Variants in ERGIC2 observed in about 807,000 individuals in gnomAD.
ERGIC2 encodes the protein ERGIC and golgi 2, also known as endoplasmic reticulum-Golgi intermediate compartment protein 2.
Under a neutral mutation model 52.5 loss-of-function variants are expected in ERGIC2, and 31 were observed. The observed-to-expected ratio is 0.59, with a 90% CI of 0.44 to 0.80. ERGIC2 has a LOEUF of 0.80. Ranked by LOEUF, ERGIC2 falls within the 30% of genes least tolerant of loss-of-function variation. The pLI, the probability that ERGIC2 is intolerant of heterozygous loss-of-function variation, is 0.00. For synonymous variants in ERGIC2, 129 were observed against 140.6 expected (o/e 0.92, Z 0.58); for missense variants, 395 against 455.2 (o/e 0.87, Z 1.20).
chr12:29,356,605 A>C, intron 7 of ERGIC2, 128 bp from the exon 8 acceptor site: 1 of 514,668 alleles, frequency 1.9e-6, no homozygotes. Flanking sequence ...TGTTAAAAAT[A>C]GAATAGTTTC....
At chr12:29,344,509 T>C (rs1285835330) in intron 11 of ERGIC2, among the ~76,000 whole-genome samples, 1 of 152,200 alleles carries the variant, frequency 6.6e-6, no homozygotes, top group Non-Finnish European at 1.5e-5. Context: ...TATGTTCTGG[T>C]ATAAACTTTA....
At chr12:29,361,208 C>T (rs571941165) in intron 6 of ERGIC2, among the ~76,000 whole-genome samples, 71 of 151,978 alleles carry the variant, frequency 4.7e-4, no homozygotes, top group Non-Finnish European at 6.9e-4. Flanking sequence ...GCCAAGATTG[C>T]GCCACTGTAC....
chr12:29,352,620 C>T (rs569972248), intron 8 of ERGIC2, among the ~76,000 whole-genome samples: 10 of 152,214 alleles, frequency 6.6e-5, no homozygotes, highest in South Asian at 2.1e-4. Flanking sequence ...GCCCAGATCA[C>T]GTCACTGTAC....
At chr12:29,349,858 A>G (rs983854202) in intron 9 of ERGIC2, among the ~76,000 whole-genome samples, 155 bp downstream of exon 9, 3 of 152,072 alleles carry the variant, frequency 2.0e-5, no homozygotes, top group Non-Finnish European at 2.9e-5. Flanking sequence ...CCAAATACAA[A>G]TGCAGATTAA....
Position 29,366,884 on chromosome 12 carries a change from T to C in ERGIC2, c.326A>G (p.Tyr109Cys). 6.3e-7 allele frequency: 1 copy of C among 1,598,198 alleles called. No individual in the cohort carries two copies. Among genetic ancestry groups the C allele is most frequent in the Non-Finnish European group, 8.6e-7 (1 of 1,169,458 alleles). ...CATGTGAATCAAACTTACTGGTTCATAAACTAAACCATCTGCAGATGCAAC... is the reference window on the plus strand; with the variant it reads ...CATGTGAATCAAACTTACTGGTTCACAAACTAAACCATCTGCAGATGCAAC... ...TMVASADGLV[Y>C]EPTVFDLSPQ... Residue 109 changes from tyrosine to cysteine, a missense_variant, in exon 5 of 14, where the codon TAT (tyrosine) becomes TGT (cysteine). By Grantham distance (194) the Tyr-to-Cys change is radical. Coordinates refer to ENST00000360150, the MANE Select transcript of ERGIC2 (RefSeq NM_016570.3).
chr12:29,342,690 C>T (rs1426639944), intron 12 of ERGIC2, among the ~76,000 whole-genome samples: 1 of 152,146 alleles, frequency 6.6e-6, no homozygotes, highest in Non-Finnish European at 1.5e-5. Flanking sequence ...TATGATTTTA[C>T]ATACTGTACA....
intron 5 of ERGIC2, 28 bp from the exon 6 acceptor site, chr12:29,361,713 G>T: frequency 6.3e-7 from 1 of 1,575,298 alleles, no homozygotes; most frequent in Non-Finnish European, 8.6e-7. Context: ...ATAATCACTA[G>T]CATTGTCAAA....
chr12:29,380,297 T>C (rs1351442323), intron 1 of ERGIC2, among the ~76,000 whole-genome samples: 1 of 152,186 alleles, frequency 6.6e-6, no homozygotes, highest in Non-Finnish European at 1.5e-5. Flanking sequence ...GGCAATTAAC[T>C]GAAATACTGA....
rs773307500 is a variant in ERGIC2 at position 29,343,273 on chromosome 12, T to C, written c.835A>G (p.Ile279Val). Residue 279 changes from isoleucine (I) to valine (V), a missense_variant, in exon 12 of 14, where the codon ATT (isoleucine) becomes GTT (valine). Physicochemically the swap from Ile to Val is conservative, Grantham distance 29 (BLOSUM62 3). Transcript: ENST00000360150. ...QFSVTERERI[I>V]NHAAGSHGVS... is the part of the protein sequence containing the mutation. The stretch of plus-strand genomic sequence containing the variant: ...CCATGGCTGCCTGCAGCATGGTTAA[T>C]GATACGTTCCTAAAAGGGAGGCAAA... The C allele has an allele frequency of 1.3e-6, 2 of 1,585,154 alleles. No individual in the cohort carries two copies. The highest frequency in any genetic ancestry group is 1.2e-5 in the South Asian group (1 of 86,176).
chr12:29,377,198 A>G (rs1940526805), intron 1 of ERGIC2, among the ~76,000 whole-genome samples: 1 of 152,150 alleles, frequency 6.6e-6, no homozygotes, highest in African/African-American at 2.4e-5. Flanking sequence ...CTCCAGTACT[A>G]TGTCTGTTTT....
intron 1 of ERGIC2, among the ~76,000 whole-genome samples, chr12:29,378,743 AG>A (rs1207633402): frequency 1.3e-5 from 2 of 152,126 alleles, no homozygotes; most frequent in African/African-American, 4.8e-5. Flanking sequence ...TTGGAAGCCA[AG>A]GAAGACAATA....
rs534411795 is a variant in ERGIC2 at position 29,340,982 on chromosome 12, A to G, written c.*174T>C. 248 of 614,952 alleles carry G rather than the reference A, an allele frequency of 4.0e-4. 1 individual carries two copies. In the South Asian group the frequency reaches 4.3e-3, roughly 11 times the overall value. The allele number at this position is 614,952 out of a possible 1,614,324, so 38.1% of individuals were successfully genotyped here. A position where few individuals can be genotyped will look rare whatever the true frequency, so the allele number is the denominator to read the frequency against. On this transcript the variant is annotated 3_prime_UTR_variant, in exon 14 of 14. Coordinates refer to ENST00000360150, the MANE Select transcript of ERGIC2 (RefSeq NM_016570.3). ...CTTCTACGACATTTGTAACAGACACAACGTATATAGAATTTCAGTTTGGGT... is the reference window on the plus strand; with the variant it reads ...CTTCTACGACATTTGTAACAGACACGACGTATATAGAATTTCAGTTTGGGT...
Position 29,371,548 on chromosome 12 carries a change from G to C in ERGIC2, c.86C>G (p.Thr29Ser). 6.2e-7 allele frequency: 1 copy of C among 1,608,822 alleles called. No individual in the cohort carries two copies. Among genetic ancestry groups the C allele is most frequent in the Non-Finnish European group, 8.5e-7 (1 of 1,177,428 alleles). Reference sequence around the variant, plus strand: ...CTCACCTGTACCTCCACTGGCTGAAGTCTCTACATAGCTCTCAGGAACCTT... The same window carrying C: ...CTCACCTGTACCTCCACTGGCTGAACTCTCTACATAGCTCTCAGGAACCTT... ...FPKVPESYVE[T>S]SASGGTVSLI... is the part of the protein sequence containing the mutation. Residue 29 changes from threonine to serine, a missense_variant, in exon 2 of 14, where the codon ACT becomes AGT. By Grantham distance (58) the Thr-to-Ser change is moderately conservative (BLOSUM62 1). Transcript: ENST00000360150.
chr12:29,337,818 T>G lies in ERGIC2; in HGVS notation c.*3338A>C, dbSNP rs1391315872. On this transcript the variant is annotated 3_prime_UTR_variant, in exon 14 of 14. Coordinates refer to ENST00000360150, the MANE Select transcript of ERGIC2 (RefSeq NM_016570.3). ...AGTTTCATATTAAATTACTTTTTGG[T>G]ACTTGAATTACTAACTCAGGACATA... 1 of 152,200 alleles carries G rather than the reference T, an allele frequency of 6.6e-6. No individual in the cohort carries two copies. Among genetic ancestry groups the G allele is most frequent in the Non-Finnish European group, 1.5e-5 (1 of 68,028 alleles). 9.4% of individuals were successfully genotyped at this position (152,200 alleles called of 1,614,324 possible).
At chr12:29,367,702 C>T (rs1940383155) in intron 4 of ERGIC2, among the ~76,000 whole-genome samples, 1 of 151,764 alleles carries the variant, frequency 6.6e-6, no homozygotes, top group African/African-American at 2.4e-5. Context: ...CATGCAAAAG[C>T]ATTCTTATTT....
chr12:29,367,558 C>T (rs1345556189), intron 4 of ERGIC2, among the ~76,000 whole-genome samples: 1 of 151,680 alleles, frequency 6.6e-6, no homozygotes, highest in Non-Finnish European at 1.5e-5. Flanking sequence ...GATTCAAGGT[C>T]GTTCTGAGAT....
At position 29,339,535 on chromosome 12, in the gene ERGIC2, G is replaced by C. The variant is rs1949821924; in HGVS notation, c.*1621C>G. On this transcript the variant is annotated 3_prime_UTR_variant, in exon 14 of 14. Transcript: ENST00000360150. ...GAAAAAAAATTAAAACCTAGAGAAG[G>C]CTCATTCACGATTCAGAATTTTCTG... The C allele has an allele frequency of 6.6e-6, 1 of 152,036 alleles. No individual in the cohort carries two copies. The highest frequency in any genetic ancestry group is 2.4e-5 in the African/African-American group (1 of 41,406). The allele number at this position is 152,036 out of a possible 1,614,324, so 9.4% of individuals were successfully genotyped here. A position where few individuals can be genotyped will look rare whatever the true frequency, so the allele number is the denominator to read the frequency against.
chr12:29,376,769 T>C (rs1307592511), intron 1 of ERGIC2, among the ~76,000 whole-genome samples: 2 of 152,164 alleles, frequency 1.3e-5, no homozygotes, highest in Non-Finnish European at 1.5e-5. Context: ...TTTTCAAAAA[T>C]GTGTTTGGAA....
intron 4 of ERGIC2, among the ~76,000 whole-genome samples, chr12:29,367,628 A>G (rs1171307501): frequency 6.6e-6 from 1 of 151,884 alleles, no homozygotes; most frequent in Non-Finnish European, 1.5e-5. Context: ...ACTTTTAAAA[A>G]TGTAAAAATT....
Sources: allele counts gnomAD v4.1 joint callset (sites outside exome capture counted in the v4.1 genomes callset), GRCh38; gene constraint gnomAD v4.1.1; transcripts MANE v1.5; gene names NCBI Gene and HGNC (gene_info 2026-07-23, HGNC 2026-07-21).